Variants in AP1S1 observed in about 807,000 individuals in gnomAD.
AP1S1 encodes adaptor related protein complex 1 subunit sigma 1, also known as AP-1 complex subunit sigma-1A.
In AP1S1, 13 loss-of-function variants were observed where a neutral mutation model predicts 23.9. The ratio of observed to expected loss-of-function variants is 0.54; its 90% CI spans 0.35 to 0.86. The LOEUF (loss-of-function observed/expected upper bound fraction) is 0.86. Ranked by LOEUF, AP1S1 falls within the 40% of genes least tolerant of loss-of-function variation. The pLI is 0.01. For synonymous variants in AP1S1, 84 were observed against 77.7 expected (o/e 1.08, Z -0.43); for missense variants, 119 against 197.6 (o/e 0.60, Z 2.38).
At position 101,160,998 on chromosome 7, in the gene AP1S1, G is replaced by T; in HGVS notation, c.*432G>T. On this transcript the variant is annotated 3_prime_UTR_variant, in exon 5 of 5. Coordinates refer to ENST00000337619, the MANE Select transcript of AP1S1 (RefSeq NM_001283.5). Reference sequence around the variant, plus strand: ...CCCTAGCCAGCCAGGCAGCTTCTCTGCCTGGGAGGGGAGCCTGGACCCCCC... The same window carrying T: ...CCCTAGCCAGCCAGGCAGCTTCTCTTCCTGGGAGGGGAGCCTGGACCCCCC... 2.8e-6 allele frequency: 1 copy of T among 357,536 alleles called. No individual in the cohort carries two copies. The highest frequency in any genetic ancestry group is 5.5e-6 in the Non-Finnish European group (1 of 183,080). The allele number at this position is 357,536 out of a possible 1,614,324, so 22.1% of individuals were successfully genotyped here. A position where few individuals can be genotyped will look rare whatever the true frequency, so the allele number is the denominator to read the frequency against.
chr7:101,159,650 A>G (rs1244530212), intron 4 of AP1S1: 1 of 158,842 alleles, frequency 6.3e-6, no homozygotes, highest in Non-Finnish European at 1.3e-5. Flanking sequence ...ACATACTCCA[A>G]AGCCTCTGCG....
At chr7:101,159,359 C>A in intron 4 of AP1S1, 163 bp downstream of exon 4, 3 of 1,040,374 alleles carry the variant, frequency 2.9e-6, no homozygotes, top group Middle Eastern at 3.1e-4. Flanking sequence ...TACTCTCAAG[C>A]CCTGACCCCA....
At chr7:101,155,148 C>T (rs951515466) in intron 1 of AP1S1, 47 of 522,492 alleles carry the variant, frequency 9.0e-5, no homozygotes, top group Non-Finnish European at 1.0e-4. Flanking sequence ...CTTCCGTCTT[C>T]CTGCTTGCTC....
chr7:101,158,286 G>A (rs926295899), intron 3 of AP1S1, among the ~76,000 whole-genome samples: 6 of 152,144 alleles, frequency 3.9e-5, no homozygotes, highest in Non-Finnish European at 7.3e-5. Flanking sequence ...GCGTCCTCTC[G>A]TTTGCTCCTT....
chr7:101,156,146 C>T (rs777202350), intron 1 of AP1S1, among the ~76,000 whole-genome samples: 2 of 152,126 alleles, frequency 1.3e-5, no homozygotes, highest in Non-Finnish European at 2.9e-5. Context: ...GCAGGAGAAT[C>T]GCTGGAACTT....
In AP1S1 at chr7:101,160,686, C is replaced by A; in HGVS notation, c.*120C>A. On this transcript the variant is annotated 3_prime_UTR_variant, in exon 5 of 5. Transcript: ENST00000337619. Reference sequence around the variant, plus strand: ...GGCTGCCCCTCCTCTGCTGCCTCACCTTTCGGAGTGAGCTGTGGGCTCAGG... The same window carrying A: ...GGCTGCCCCTCCTCTGCTGCCTCACATTTCGGAGTGAGCTGTGGGCTCAGG... The A allele has an allele frequency of 8.4e-7, 1 of 1,196,766 alleles. No individual in the cohort carries two copies. The highest frequency in any genetic ancestry group is 1.3e-5 in the South Asian group (1 of 79,686). The allele number at this position is 1,196,766 out of a possible 1,614,324, so 74.1% of individuals were successfully genotyped here. A position where few individuals can be genotyped will look rare whatever the true frequency, so the allele number is the denominator to read the frequency against.
At chr7:101,154,848 C>G in intron 1 of AP1S1, 1 of 831,082 alleles carries the variant, frequency 1.2e-6, no homozygotes. Flanking sequence ...CAGAGGGTTG[C>G]GGGAGTCTCT....
intron 1 of AP1S1, chr7:101,154,755 CG>C: frequency 6.4e-6 from 1 of 155,744 alleles, no homozygotes; most frequent in South Asian, 1.8e-4. Flanking sequence ...GAAGGGGCGG[CG>C]GGGCCGTCCC....
intron 2 of AP1S1, among the ~76,000 whole-genome samples, 184 bp from the exon 3 acceptor site, chr7:101,157,193 G>A (rs896886990): frequency 6.6e-5 from 10 of 152,182 alleles, no homozygotes; most frequent in African/African-American, 2.4e-4. Context: ...AAAAGCATGC[G>A]TTCTTTGCAT....
intron 4 of AP1S1, 103 bp downstream of exon 4, chr7:101,159,299 G>A (rs1797047016): frequency 1.3e-6 from 2 of 1,488,436 alleles, no homozygotes; most frequent in Admixed American, 4.5e-5. Context: ...TCGCCAAGGA[G>A]CCCCCCCTCC....
rs548877912 is a variant in AP1S1 at position 101,159,201 on chromosome 7, G to C, written c.429+5G>C. 3 of 1,607,992 alleles carry C rather than the reference G, an allele frequency of 1.9e-6. No individual in the cohort carries two copies. The South Asian group carries it at 3.3e-5, about 18-fold the overall frequency. Reference sequence around the variant, plus strand: ...CAGGCTGACCTACTGCAAGAGGTACGGGCCAGGGACAGTGAGGAGGAGGAG... The same window carrying C: ...CAGGCTGACCTACTGCAAGAGGTACCGGCCAGGGACAGTGAGGAGGAGGAG... On this transcript the variant is annotated splice_donor_5th_base_variant and intron_variant, in intron 4 of 4. Coordinates refer to ENST00000337619, the MANE Select transcript of AP1S1 (RefSeq NM_001283.5).
chr7:101,155,465 C>A (rs1796978448), intron 1 of AP1S1, among the ~76,000 whole-genome samples: 1 of 152,146 alleles, frequency 6.6e-6, no homozygotes, highest in Admixed American at 6.6e-5. Context: ...TTTAGGGGAA[C>A]CCCCTGGGTG....
intron 3 of AP1S1, among the ~76,000 whole-genome samples, chr7:101,158,040 C>G (rs1294512850): frequency 6.6e-6 from 1 of 152,188 alleles, no homozygotes; most frequent in African/African-American, 2.4e-5. Flanking sequence ...ATCCTCCCAC[C>G]TCAGCCTCCC....
chr7:101,155,124 T>C (rs1796972734), intron 1 of AP1S1: 1 of 791,890 alleles, frequency 1.3e-6, no homozygotes, highest in Non-Finnish European at 1.5e-6. Context: ...CCATTCTCTT[T>C]CCGGAATCCA....
At chr7:101,155,010 G>T (rs1448653742) in intron 1 of AP1S1, 5 of 992,010 alleles carry the variant, frequency 5.0e-6, no homozygotes, top group African/African-American at 1.7e-5. Context: ...GGCCGTGCTT[G>T]CCTAGAGGCT....
At chr7:101,160,186 C>T (rs1223929616) in intron 4 of AP1S1, among the ~76,000 whole-genome samples, 2 of 151,920 alleles carry the variant, frequency 1.3e-5, no homozygotes, top group Non-Finnish European at 2.9e-5. Context: ...AGAAAGATCC[C>T]CCACCTCCTT....
chr7:101,154,597 G>C (rs759538951), intron 1 of AP1S1, 80 bp downstream of exon 1: 9 of 1,527,500 alleles, frequency 5.9e-6, no homozygotes, highest in Non-Finnish European at 7.9e-6. Flanking sequence ...GGCCGCCCTC[G>C]GGGTGAACCG....
Position 101,161,194 on chromosome 7 carries a change from A to G in AP1S1, c.*628A>G, listed in dbSNP as rs2116696571. The G allele has an allele frequency of 5.9e-6, 1 of 169,658 alleles. No individual in the cohort carries two copies. Among genetic ancestry groups the G allele is most frequent in the Non-Finnish European group, 1.2e-5 (1 of 83,476 alleles). 10.5% of individuals were successfully genotyped at this position (169,658 alleles called of 1,614,324 possible). A position where few individuals can be genotyped will look rare whatever the true frequency, so the allele number is the denominator to read the frequency against. On this transcript the variant is annotated 3_prime_UTR_variant, in exon 5 of 5. Transcript: ENST00000337619. ...TCACTCCAGTTCTGGGTGAGGCAGG[A>G]GCTGGGAGGGGTGGGGAGGGGGAGG...
chr7:101,156,387 T>C (rs1271359965), intron 1 of AP1S1: 1 of 555,016 alleles, frequency 1.8e-6, no homozygotes, highest in Non-Finnish European at 3.2e-6. Context: ...CTTACAGTAG[T>C]AATTGGGCCA....
Sources: gnomAD v4.1 joint callset for allele counts (sites outside exome capture counted in the v4.1 genomes callset) on GRCh38, gnomAD v4.1.1 for gene constraint, MANE v1.5 for transcripts, NCBI Gene and HGNC (gene_info 2026-07-23, HGNC 2026-07-21) for gene names.